Variants in RBMS3 observed in about 807,000 individuals in gnomAD.
RBMS3 encodes the protein RNA-binding motif, single-stranded-interacting protein 3.
In RBMS3, 27 loss-of-function variants were observed where a neutral mutation model predicts 66.8. That is an observed-to-expected ratio of 0.40 (90% confidence interval 0.30 to 0.56). RBMS3 has a LOEUF of 0.56. RBMS3 is among the 20% of genes least tolerant of loss of function. RBMS3 has a pLI of 0.40. For missense variants in RBMS3, 513 were observed against 549.5 expected (o/e 0.93, Z 0.66); for synonymous variants, 188 against 183.0 (o/e 1.03, Z -0.22).
At chr3:29,870,211 GT>G (rs1401903919) in intron 7 of RBMS3, among the ~76,000 whole-genome samples, 2 of 152,102 alleles carry the variant, frequency 1.3e-5, no homozygotes, top group African/African-American at 4.8e-5. Context: ...TGATCCATGT[GT>G]TTTTAGCATG....
intron 1 of RBMS3, among the ~76,000 whole-genome samples, chr3:29,316,794 G>A (rs563475368): frequency 9.9e-4 from 150 of 151,730 alleles, no homozygotes; most frequent in Middle Eastern, 3.4e-3. Context: ...TTGGAAATGA[G>A]GCTTGTGTAA....
At chr3:29,599,006 T>C (rs1164718036) in intron 4 of RBMS3, among the ~76,000 whole-genome samples, 1 of 151,940 alleles carries the variant, frequency 6.6e-6, no homozygotes, top group Non-Finnish European at 1.5e-5. Flanking sequence ...ATATTGGTGA[T>C]AGTCGGGGCA....
Position 29,707,352 on chromosome 3 carries a change from C to G in RBMS3, c.400-32368C>G, listed in dbSNP as rs375295023. 9.2e-5 allele frequency among the ~76,000 whole-genome samples: 14 copies of G among 152,290 alleles called. 1 individual carries two copies. The South Asian group carries it at 2.7e-3, about 29-fold the overall frequency. ...ATTTTACTCATTGGGTTAATAAACA[C>G]ATTCATCGTTATAGCTAGAACATGT... On this transcript the variant is annotated intron_variant, in intron 4 of 14. Coordinates refer to ENST00000383767, the MANE Select transcript of RBMS3 (RefSeq NM_001003793.3).
intron 3 of RBMS3, among the ~76,000 whole-genome samples, chr3:29,558,283 G>T (rs1425862815): frequency 6.6e-6 from 1 of 152,012 alleles, no homozygotes; most frequent in Non-Finnish European, 1.5e-5. Flanking sequence ...TGGAACAGAA[G>T]TAGTAATTAA....
intron 3 of RBMS3, among the ~76,000 whole-genome samples, chr3:29,561,202 A>G (rs996663998): frequency 6.3e-4 from 96 of 152,238 alleles, no homozygotes; most frequent in African/African-American, 2.2e-3. Flanking sequence ...GTGAACATAC[A>G]TGTGCATGTG....
chr3:29,744,445 A>T (rs775811872), intron 5 of RBMS3, among the ~76,000 whole-genome samples: 1 of 152,180 alleles, frequency 6.6e-6, no homozygotes, highest in Non-Finnish European at 1.5e-5. Flanking sequence ...TTAGCTCACA[A>T]ATTGTTTCTT....
At chr3:29,529,824 T>C (rs1217625985) in intron 3 of RBMS3, among the ~76,000 whole-genome samples, 1 of 152,212 alleles carries the variant, frequency 6.6e-6, no homozygotes, top group Non-Finnish European at 1.5e-5. Flanking sequence ...TTTTTTAAGT[T>C]AATGGCATCT....
At chr3:29,695,057 A>C (rs1266340045) in intron 4 of RBMS3, among the ~76,000 whole-genome samples, 1 of 152,148 alleles carries the variant, frequency 6.6e-6, no homozygotes, top group African/African-American at 2.4e-5. Context: ...TTTGAAAGCA[A>C]GTTTGGCCAT....
chr3:29,370,333 A>G (rs28527392), intron 1 of RBMS3, among the ~76,000 whole-genome samples: 125 of 152,356 alleles, frequency 8.2e-4, no homozygotes, highest in African/African-American at 2.9e-3. Flanking sequence ...CACTTCACAG[A>G]AAGTTCTGTT....
chr3:29,557,409 T>C (rs2046402738), intron 3 of RBMS3, among the ~76,000 whole-genome samples: 1 of 152,184 alleles, frequency 6.6e-6, no homozygotes, highest in Non-Finnish European at 1.5e-5. Context: ...AGGAGTGCAA[T>C]TCCAAGATGT....
At chr3:29,541,656 AG>A (rs964272713) in intron 3 of RBMS3, among the ~76,000 whole-genome samples, 17 of 152,212 alleles carry the variant, frequency 1.1e-4, no homozygotes, top group Admixed American at 1.0e-3. Flanking sequence ...TGACAACCTA[AG>A]GGGTCATGTC....
At chr3:29,459,112 G>A (rs1255601734) in intron 2 of RBMS3, among the ~76,000 whole-genome samples, 2 of 152,156 alleles carry the variant, frequency 1.3e-5, no homozygotes, top group African/African-American at 4.8e-5. Context: ...CAAGTCATTT[G>A]TTCCTCTGGA....
At chr3:29,366,605 G>C (rs2037921184) in intron 1 of RBMS3, among the ~76,000 whole-genome samples, 2 of 151,900 alleles carry the variant, frequency 1.3e-5, no homozygotes, top group African/African-American at 4.8e-5. Context: ...GCTGATCTGG[G>C]ATCAAGCGAT....
chr3:29,582,162 A>T (rs1462228414), intron 3 of RBMS3, among the ~76,000 whole-genome samples: 2 of 146,762 alleles, frequency 1.4e-5, no homozygotes, highest in African/African-American at 5.2e-5. Context: ...AGATAGATAG[A>T]TAGATAGATA....
In RBMS3 at chr3:29,457,827, C is replaced by CTTTTTT. The variant is rs36020077; in HGVS notation, c.248+22924_248+22929dup. The stretch of plus-strand genomic sequence containing the variant: ...AGCTCTTACCATTTCTCAATTTGCA[C>CTTTTTT]TTTTTTTTTTTTTTTTTGACATTAA... On this transcript the variant is annotated intron_variant, in intron 2 of 14. Coordinates refer to ENST00000383767, the MANE Select transcript of RBMS3 (RefSeq NM_001003793.3). 2.1e-5 allele frequency among the ~76,000 whole-genome samples: 3 copies of CTTTTTT among 140,832 alleles called. 1 individual carries two copies. Among genetic ancestry groups the CTTTTTT allele is most frequent in the African/African-American group, 2.6e-5 (1 of 38,302 alleles). The allele number at this position is 140,832 out of a possible 152,430, so 92.4% of individuals were successfully genotyped here.
At chr3:29,608,542 T>C (rs2048387273) in intron 4 of RBMS3, among the ~76,000 whole-genome samples, 1 of 152,034 alleles carries the variant, frequency 6.6e-6, no homozygotes, top group African/African-American at 2.4e-5. Flanking sequence ...GATAGTCTAT[T>C]ATTTAGATGA....
chr3:29,529,043 G>A (rs564275308), intron 3 of RBMS3, among the ~76,000 whole-genome samples: 3 of 152,172 alleles, frequency 2.0e-5, no homozygotes, highest in South Asian at 2.1e-4. Flanking sequence ...TGTGCCAAGC[G>A]AAAATTGCTT....
At chr3:29,569,689 G>A (rs1021791600) in intron 3 of RBMS3, among the ~76,000 whole-genome samples, 2 of 152,086 alleles carry the variant, frequency 1.3e-5, no homozygotes, top group African/African-American at 2.4e-5. Context: ...GGCTTGCAAT[G>A]CATGAAAGTC....
At chr3:29,766,500 C>G (rs1349584757) in intron 6 of RBMS3, 1 of 151,944 alleles carries the variant, frequency 6.6e-6, no homozygotes, top group African/African-American at 2.4e-5. Flanking sequence ...AAATATGATT[C>G]ATGTTGGTAT....
Sources: allele counts gnomAD v4.1 joint callset (sites outside exome capture counted in the v4.1 genomes callset), GRCh38; gene constraint gnomAD v4.1.1; transcripts MANE v1.5; gene names NCBI Gene and HGNC (gene_info 2026-07-23, HGNC 2026-07-21).